The following ALG13 variants were observed in gnomAD, a reference collection of about 807,000 sequenced individuals.
The protein encoded by ALG13 is ALG13 UDP-N-acetylglucosaminyltransferase subunit, also known as UDP-N-acetylglucosamine transferase subunit ALG13.
A neutral mutation model predicts 87.8 loss-of-function variants in ALG13; 11 were observed. The observed-to-expected ratio is 0.13, with a 90% CI of 0.08 to 0.21. The LOEUF (loss-of-function observed/expected upper bound fraction) is 0.21, where lower values mean the gene tolerates loss of function less well. Ranked by LOEUF, ALG13 falls within the 10% of genes least tolerant of loss-of-function variation. The pLI is 1.00. For synonymous variants in ALG13, 320 were observed against 306.3 expected (o/e 1.04, Z -0.47); for missense variants, 756 against 866.1 (o/e 0.87, Z 1.60).
intron 10 of ALG13, among the ~76,000 whole-genome samples, chrX:111,718,909 C>G (rs1254945322): frequency 1.8e-5 from 2 of 111,868 alleles, no homozygotes; most frequent in Non-Finnish European, 3.8e-5. Context: ...TATATTTCTT[C>G]CTAATTCCTA....
chrX:111,726,239 T>TTTG (rs1556505605), intron 15 of ALG13, among the ~76,000 whole-genome samples: 2 of 97,537 alleles, frequency 2.1e-5, no homozygotes, highest in African/African-American at 7.7e-5. Context: ...TTTGTTTTTT[T>TTTG]TTTTTTTTTT....
At chrX:111,755,417 A>G (rs564938967) in intron 25 of ALG13, among the ~76,000 whole-genome samples, 3 of 112,362 alleles carry the variant, frequency 2.7e-5, no homozygotes, top group African/African-American at 9.7e-5. Context: ...AACAAAAGCA[A>G]AACTAAAATT....
At chrX:111,688,935 T>C (rs1387732479) in intron 3 of ALG13, 1 of 737,177 alleles carries the variant, frequency 1.4e-6, no homozygotes, top group Non-Finnish European at 1.6e-6. Context: ...TGTTTAGATA[T>C]AGTTTATCTA....
intron 13 of ALG13, among the ~76,000 whole-genome samples, chrX:111,723,121 A>AATTTTTTTT (rs1357141625): frequency 1.9e-5 from 2 of 107,207 alleles, no homozygotes; most frequent in Non-Finnish European, 1.9e-5. Flanking sequence ...ATGCCTGGCT[A>AATTTTTTTT]ATTTTTTTTA....
intron 21 of ALG13, among the ~76,000 whole-genome samples, chrX:111,732,143 C>G (rs1942765021): frequency 8.9e-6 from 1 of 111,760 alleles, no homozygotes; most frequent in Non-Finnish European, 1.9e-5. Flanking sequence ...ACTACTAATT[C>G]TCTCCTACAT....
intron 6 of ALG13, 71 bp downstream of exon 6, chrX:111,711,796 C>A: frequency 9.6e-7 from 1 of 1,037,515 alleles, no homozygotes; most frequent in Non-Finnish European, 1.3e-6. Context: ...ATTCATTCAA[C>A]TGTATTATTT....
chrX:111,699,256 GTTAT>G (rs1203966743), intron 3 of ALG13, among the ~76,000 whole-genome samples: 4 of 109,157 alleles, frequency 3.7e-5, no homozygotes, highest in African/African-American at 1.3e-4. Context: ...TTTTTTTCGA[GTTAT>G]TTGATTTCCT....
chrX:111,689,893 G>A (rs1935833013), intron 3 of ALG13: 1 of 751,871 alleles, frequency 1.3e-6, no homozygotes, highest in African/African-American at 2.3e-5. Flanking sequence ...TTATTTAGTA[G>A]GAATTTCACA....
At chrX:111,705,385 G>T (rs1283800272) in intron 3 of ALG13, among the ~76,000 whole-genome samples, 1 of 110,952 alleles carries the variant, frequency 9.0e-6, no homozygotes, top group Non-Finnish European at 1.9e-5. Context: ...AGTTTTTCTG[G>T]TTAGATATGT....
At chrX:111,754,312 A>G (rs1311882130) in intron 25 of ALG13, among the ~76,000 whole-genome samples, 2 of 111,757 alleles carry the variant, frequency 1.8e-5, no homozygotes, top group Admixed American at 9.5e-5. Flanking sequence ...CCCACAGCCA[A>G]TATCATACTG....
At chrX:111,757,420 A>T (rs1419874816) in intron 25 of ALG13, 168 bp from the exon 26 acceptor site, 2 of 371,313 alleles carry the variant, frequency 5.4e-6, no homozygotes, top group African/African-American at 5.3e-5. Flanking sequence ...AAGTTCTAAT[A>T]GAGAACAGAC....
chrX:111,744,679 C>A lies in ALG13; in HGVS notation c.2707C>A (p.Pro903Thr). 1 of 1,184,862 alleles carries A rather than the reference C, an allele frequency of 8.4e-7. No individual in the cohort carries two copies. Among genetic ancestry groups the A allele is most frequent in the Non-Finnish European group, 1.1e-6 (1 of 884,037 alleles). Residue 903 changes from proline to threonine, a missense_variant, in exon 24 of 27, where the codon CCA becomes ACA. Physicochemically the swap from Pro to Thr is conservative, Grantham distance 38. Around this residue, in one of 9 missense-constraint regions of ALG13, gnomAD observed 362 missense variants for 383.5 expected, o/e 0.94. Coordinates refer to ENST00000394780, the MANE Select transcript of ALG13 (RefSeq NM_001099922.3). ...TGTTTCTTTGTTAGTGATTGCCTCA[C>A]CATCCTATCCATGCCATTCTGCTAT... ...PTHGRPVIASPSYPCHSAIPH... is the reference protein window; with the variant it reads ...PTHGRPVIASTSYPCHSAIPH...
intron 23 of ALG13, chrX:111,743,962 G>A (rs1473455367): frequency 1.8e-5 from 2 of 111,109 alleles, no homozygotes; most frequent in Non-Finnish European, 3.8e-5. Flanking sequence ...GCAGGTATGT[G>A]TTTTTACTAG....
At chrX:111,688,430 T>C in intron 3 of ALG13, 1 of 748,808 alleles carries the variant, frequency 1.3e-6, no homozygotes, top group South Asian at 6.8e-5. Flanking sequence ...AGGAACCAAA[T>C]TTAAAAAATG....
At position 111,759,723 on chromosome X, in the gene ALG13, C is replaced by T; in HGVS notation, c.3149-11C>T. ...GTATATAAAGTAGACTGTATACATC[C>T]TTTCTTTCAGATACTTTTCCGAATG... On this transcript the variant is annotated splice_polypyrimidine_tract_variant and intron_variant, in intron 26 of 26. Transcript: ENST00000394780. The T allele has an allele frequency of 8.4e-7, 1 of 1,192,387 alleles. No homozygotes were observed. Among genetic ancestry groups the T allele is most frequent in the East Asian group, 3.0e-5 (1 of 33,308 alleles).
At chrX:111,731,188 C>G (rs779779907) in intron 21 of ALG13, among the ~76,000 whole-genome samples, 1 of 111,948 alleles carries the variant, frequency 8.9e-6, no homozygotes, top group South Asian at 3.8e-4. Flanking sequence ...CTAAAATGTC[C>G]CATTCAGTGT....
At chrX:111,750,410 A>G (rs982376777) in intron 24 of ALG13, among the ~76,000 whole-genome samples, 1 of 111,517 alleles carries the variant, frequency 9.0e-6, no homozygotes, top group Non-Finnish European at 1.9e-5. Context: ...ATTCTTTTTT[A>G]TGGCCAAAAA....
At chrX:111,717,957 T>C in intron 9 of ALG13, 30 bp downstream of exon 9, 1 of 1,149,896 alleles carries the variant, frequency 8.7e-7, no homozygotes, top group Non-Finnish European at 1.2e-6. Context: ...ATTGTGGGTG[T>C]GATTTCAGAT....
At chrX:111,709,688 T>TC (rs1160174274) in intron 5 of ALG13, among the ~76,000 whole-genome samples, 6 of 110,638 alleles carry the variant, frequency 5.4e-5, no homozygotes, top group Non-Finnish European at 9.5e-5. Context: ...TCCTTTTCTT[T>TC]TTTTTTTTTT....
Sources: allele counts gnomAD v4.1 joint callset (sites outside exome capture counted in the v4.1 genomes callset), GRCh38; gene constraint gnomAD v4.1.1; regional missense constraint gnomAD v4.1.1; transcripts MANE v1.5; gene names NCBI Gene and HGNC (gene_info 2026-07-23, HGNC 2026-07-21).